The following ST6GALNAC2 variants were observed in gnomAD, a reference collection of about 807,000 sequenced individuals.
The protein encoded by ST6GALNAC2 is ST6 N-acetylgalactosaminide alpha-2,6-sialyltransferase 2.
ST6GALNAC2 carries 42 observed loss-of-function variants against 38.7 expected under a neutral mutation model. That is an observed-to-expected ratio of 1.09 (90% confidence interval 0.85 to 1.40). ST6GALNAC2 has a LOEUF of 1.40. ST6GALNAC2 is among the 40% of genes most tolerant of loss of function. The probability of loss-of-function intolerance (pLI) is 0.00; values close to 1 mark genes in which losing one functional copy is unlikely to be tolerated. For synonymous variants in ST6GALNAC2, 233 were observed against 209.0 expected, an observed-to-expected ratio of 1.11 and a Z score of -0.99; for missense variants, 506 against 481.7, an observed-to-expected ratio of 1.05 and a Z score of -0.47.
Position 76,573,107 on chromosome 17 carries a change from C to T in ST6GALNAC2, c.530+88G>A, listed in dbSNP as rs1403464381. ...AACTGCTGAGCCGCCCAGGCCACTG[C>T]TGCCATAGCCCACTGCCCCTGGGGG... On this transcript the variant is annotated intron_variant, in intron 4 of 8. Transcript: ENST00000225276. This position sits in a 1 kb window ranked among gnomAD's most constrained non-coding sequence, Gnocchi z 5.1. The T allele has an allele frequency of 7.1e-7, 1 of 1,405,676 alleles. No homozygotes were observed. 87.1% of individuals were successfully genotyped at this position (1,405,676 alleles called of 1,614,324 possible).
chr17:76,567,630 T>C, intron 7 of ST6GALNAC2, 78 bp from the exon 8 acceptor site: 1 of 982,674 alleles, frequency 1.0e-6, no homozygotes, highest in Non-Finnish European at 1.6e-6. Flanking sequence ...TTCAAATAGG[T>C]GGGAAAACTT....
intron 8 of ST6GALNAC2, 37 bp from the exon 9 acceptor site, chr17:76,566,308 G>A: frequency 6.2e-7 from 1 of 1,608,466 alleles, no homozygotes; most frequent in Non-Finnish European, 8.5e-7. Flanking sequence ...TATTTGTTGA[G>A]CGTCTAGTGT....
intron 2 of ST6GALNAC2, among the ~76,000 whole-genome samples, chr17:76,578,224 G>A (rs1353600124): frequency 6.6e-6 from 1 of 152,028 alleles, no homozygotes; most frequent in Non-Finnish European, 1.5e-5. Flanking sequence ...TAACTTCTTG[G>A]TGCCTCATTT....
chr17:76,573,173 C>T lies in ST6GALNAC2; in HGVS notation c.530+22G>A. 3 of 1,568,520 alleles carry T rather than the reference C, an allele frequency of 1.9e-6. No homozygotes were observed. The highest frequency in any genetic ancestry group is 1.3e-5 in the African/African-American group (1 of 74,200). The stretch of plus-strand genomic sequence containing the variant: ...CCAGGCAACTCTCCCTCCCGCCCCT[C>T]CCCAGCTCCTACCCCTCATACCTGA... On this transcript the variant is annotated intron_variant, in intron 4 of 8. Transcript: ENST00000225276. This position sits in a 1 kb window ranked among gnomAD's most constrained non-coding sequence, Gnocchi z 5.1.
chr17:76,570,878 C>A, intron 5 of ST6GALNAC2: 1 of 553,930 alleles, frequency 1.8e-6, no homozygotes, highest in Non-Finnish European at 3.3e-6. Flanking sequence ...CAATTGCCAT[C>A]CCCTGGAGTA....
chr17:76,567,207 A>C (rs951807047), intron 8 of ST6GALNAC2, among the ~76,000 whole-genome samples: 1 of 152,144 alleles, frequency 6.6e-6, no homozygotes. Flanking sequence ...GGCAGGTGTC[A>C]GGAGCCAAGG....
chr17:76,581,855 C>G lies in ST6GALNAC2; in HGVS notation c.126-3039G>C, dbSNP rs73369169. 8.7e-4 allele frequency among the ~76,000 whole-genome samples: 133 copies of G among 152,170 alleles called. 1 individual carries two copies. The highest frequency in any genetic ancestry group is 3.0e-3 in the African/African-American group (125 of 41,526). ...TTTTACTCACAACTTAGATCATATT[C>G]TCTTTTTTATTTTTATTTTTATTTT... On this transcript the variant is annotated intron_variant, in intron 1 of 8. Coordinates refer to ENST00000225276, the MANE Select transcript of ST6GALNAC2 (RefSeq NM_006456.3).
At position 76,566,198 on chromosome 17, in the gene ST6GALNAC2, G is replaced by A; in HGVS notation, c.1031C>T (p.Pro344Leu). 4 of 1,614,054 alleles carry A rather than the reference G, an allele frequency of 2.5e-6. No homozygotes were observed. The highest frequency in any genetic ancestry group is 3.4e-6 in the Non-Finnish European group (4 of 1,180,040). The stretch of plus-strand genomic sequence containing the variant: ...ATCGTGGTTTGCATAAAATATCAAT[G>A]GCTTCATTTTTCGTTCGAAATAGTG... Reference protein sequence around the residue: ...SDHYFERKMKPLIFYANHDLS... With the variant: ...SDHYFERKMKLLIFYANHDLS... Residue 344 changes from proline to leucine, a missense_variant, in exon 9 of 9, where the codon CCA (proline) becomes CTA (leucine). Pro to Leu is a moderately conservative substitution (Grantham distance 98). Transcript: ENST00000225276.
intron 6 of ST6GALNAC2, 91 bp from the exon 7 acceptor site, chr17:76,568,887 G>T: frequency 1.6e-6 from 2 of 1,260,234 alleles, no homozygotes; most frequent in Non-Finnish European, 2.3e-6. Context: ...CGGAGTAGCC[G>T]CGGTACCCTG....
rs1013094832 is a variant in ST6GALNAC2, at chr17:76,565,749, C to T, written c.*355G>A. The T allele has an allele frequency of 2.0e-5, 4 of 198,536 alleles. No homozygotes were observed. Among genetic ancestry groups the T allele is most frequent in the Non-Finnish European group, 4.1e-5 (4 of 97,554 alleles). 12.3% of individuals were successfully genotyped at this position (198,536 alleles called of 1,614,324 possible). The stretch of plus-strand genomic sequence containing the variant: ...TAGCATCTGGGGTAGGATGTGCCAC[C>T]AGGAGGATTTGGGCTGGAGCGTGTG... On this transcript the variant is annotated 3_prime_UTR_variant, in exon 9 of 9. Transcript: ENST00000225276.
chr17:76,583,176 C>T (rs749492296), intron 1 of ST6GALNAC2, among the ~76,000 whole-genome samples: 1 of 151,946 alleles, frequency 6.6e-6, no homozygotes, highest in Non-Finnish European at 1.5e-5. Context: ...GAGATCGAGA[C>T]CATCCTGGCT....
intron 1 of ST6GALNAC2, among the ~76,000 whole-genome samples, chr17:76,579,602 A>C (rs567216862): frequency 8.5e-5 from 13 of 152,342 alleles, no homozygotes; most frequent in Admixed American, 2.0e-4. Context: ...CTGAATCCCC[A>C]ATGCAACAGT....
chr17:76,567,028 G>A (rs187512068), intron 8 of ST6GALNAC2, among the ~76,000 whole-genome samples: 1 of 152,328 alleles, frequency 6.6e-6, no homozygotes, highest in African/African-American at 2.4e-5. Context: ...GCATGTGGGA[G>A]GCTAAACCTG....
chr17:76,575,690 C>G (rs1225075255), intron 2 of ST6GALNAC2, among the ~76,000 whole-genome samples: 2 of 152,100 alleles, frequency 1.3e-5, no homozygotes, highest in Non-Finnish European at 2.9e-5. Context: ...GGAAGGAACA[C>G]AGCACCTCTG....
intron 2 of ST6GALNAC2, among the ~76,000 whole-genome samples, chr17:76,575,316 G>A (rs2075403408): frequency 6.6e-6 from 1 of 151,970 alleles, no homozygotes; most frequent in Admixed American, 6.5e-5. Context: ...CCTTTAGGGA[G>A]TGGAAGTGTC....
intron 1 of ST6GALNAC2, among the ~76,000 whole-genome samples, chr17:76,585,271 G>A (rs2075531971): frequency 6.6e-6 from 1 of 152,222 alleles, no homozygotes; most frequent in Non-Finnish European, 1.5e-5. Flanking sequence ...CCGGAGACTT[G>A]GGCCCCTGCC....
rs368070313 is a variant in ST6GALNAC2, at chr17:76,572,739, A to G, written c.567T>C (p.Asp189=). The part of the protein sequence containing the change: ...NGAVIKGFER[D]VGTKTSFYGF... ...CATAGAAGGAAGTCTTGGTGCCCAC[A>G]TCGCGCTCGAAGCCTTTGATCACAG... Residue 189 remains aspartate (D), a synonymous_variant, in exon 5 of 9, where the codon GAT becomes GAC. Transcript: ENST00000225276. 7 of 1,614,074 alleles carry G rather than the reference A, an allele frequency of 4.3e-6. No homozygotes were observed. The highest frequency in any genetic ancestry group is 2.2e-5 in the South Asian group (2 of 91,088).
At position 76,570,747 on chromosome 17, in the gene ST6GALNAC2, C is replaced by T. The variant is rs1197585248; in HGVS notation, c.670-79G>A. On this transcript the variant is annotated intron_variant, in intron 5 of 8. Coordinates refer to ENST00000225276, the MANE Select transcript of ST6GALNAC2 (RefSeq NM_006456.3). ...TCAGTGTGGACAGCCCTCCACCCAACCTTGCCCCCTGAGCCGACTGGAGAA... is the reference window on the plus strand; with the variant it reads ...TCAGTGTGGACAGCCCTCCACCCAATCTTGCCCCCTGAGCCGACTGGAGAA... 6.3e-6 allele frequency: 7 copies of T among 1,112,478 alleles called. No individual in the cohort carries two copies. The South Asian group carries it at 7.9e-5, about 12-fold the overall frequency. The allele number at this position is 1,112,478 out of a possible 1,614,324, so 68.9% of individuals were successfully genotyped here. A position where few individuals can be genotyped will look rare whatever the true frequency, so the allele number is the denominator to read the frequency against.
In ST6GALNAC2 at chr17:76,577,368, C is replaced by T. The variant is rs557757301; in HGVS notation, c.186+1388G>A. ...ACAGGCATGAGCCACTGCGCCTGGC[C>T]GTTTTTGTCTTCTTATATGTGTCCA... On this transcript the variant is annotated intron_variant, in intron 2 of 8. Coordinates refer to ENST00000225276, the MANE Select transcript of ST6GALNAC2 (RefSeq NM_006456.3). 3.1e-3 allele frequency among the ~76,000 whole-genome samples: 477 copies of T among 151,964 alleles called. 4 individuals are homozygous for T. Among genetic ancestry groups the T allele is most frequent in the African/African-American group, 0.011 (459 of 41,468 alleles).
Sources: gnomAD v4.1 joint callset for allele counts (sites outside exome capture counted in the v4.1 genomes callset) on GRCh38, gnomAD v4.1.1 for gene constraint, Gnocchi (gnomAD v3.1) non-coding constraint, MANE v1.5 for transcripts, NCBI Gene and HGNC (gene_info 2026-07-23, HGNC 2026-07-21) for gene names.